The following ENOX1 variants were observed in gnomAD, a reference collection of about 807,000 sequenced individuals.
ENOX1 encodes ecto-NOX disulfide-thiol exchanger 1, also known as candidate growth-related and time keeping constitutive hydroquinone (NADH) oxidase.
ENOX1 carries 42 observed loss-of-function variants against 82.5 expected under a neutral mutation model. That is an observed-to-expected ratio of 0.51 (90% confidence interval 0.40 to 0.66). The LOEUF is 0.66. Among genes scored for constraint, ENOX1 ranks in the 30% least tolerant of loss-of-function variants. The pLI, the probability that ENOX1 is intolerant of heterozygous loss-of-function variation, is 0.00. For missense variants in ENOX1, 608 were observed against 811.6 expected, an observed-to-expected ratio of 0.75 and a Z score of 3.05; for synonymous variants, 271 against 282.2, an observed-to-expected ratio of 0.96 and a Z score of 0.40.
chr13:43,615,662 A>G (rs993933428), intron 2 of ENOX1, among the ~76,000 whole-genome samples: 2 of 152,114 alleles, frequency 1.3e-5, no homozygotes, highest in Non-Finnish European at 2.9e-5. Context: ...TTACATAGGT[A>G]TACACGTGCT....
chr13:43,455,419 T>C (rs970236002), intron 3 of ENOX1, among the ~76,000 whole-genome samples: 19 of 152,198 alleles, frequency 1.2e-4, no homozygotes, highest in Admixed American at 3.9e-4. Flanking sequence ...CTAATGAGAA[T>C]CTTTTCTTAC....
At chr13:43,245,136 G>A (rs537804852) in intron 14 of ENOX1, among the ~76,000 whole-genome samples, 1 of 152,164 alleles carries the variant, frequency 6.6e-6, no homozygotes. Context: ...GCTGATAAAT[G>A]AAAGAATGAG....
chr13:43,392,417 G>A (rs923446488), intron 5 of ENOX1, among the ~76,000 whole-genome samples: 1 of 152,186 alleles, frequency 6.6e-6, no homozygotes, highest in East Asian at 1.9e-4. Context: ...ACTGGCTCAC[G>A]CCTGTAATCC....
rs73467462 is a variant in ENOX1, at chr13:43,333,469, T to C, written c.1037-6944A>G. Among the ~76,000 whole-genome samples, 799 of 152,332 alleles carry C rather than the reference T, an allele frequency of 5.2e-3. 4 individuals are homozygous for C. Among genetic ancestry groups the C allele is most frequent in the African/African-American group, 0.018 (750 of 41,578 alleles). ...CTCATTGAGCCTGCCCTGTATTCAG[T>C]TGTTGGCTCGATGCTAAGTCATCAC... On this transcript the variant is annotated intron_variant, in intron 9 of 16. Coordinates refer to ENST00000690772, the MANE Select transcript of ENOX1 (RefSeq NM_001347969.2).
At chr13:43,527,363 G>C (rs958918703) in intron 2 of ENOX1, among the ~76,000 whole-genome samples, 6 of 152,010 alleles carry the variant, frequency 3.9e-5, no homozygotes, top group Non-Finnish European at 8.8e-5. Flanking sequence ...AGGCAGCTGT[G>C]GTCACTTGAT....
chr13:43,370,908 AC>A (rs71099831), intron 5 of ENOX1, among the ~76,000 whole-genome samples: 75,982 of 142,358 alleles, frequency 0.53, 22,727 homozygotes, highest in Non-Finnish European at 0.69. Flanking sequence ...CCCTGTCCCC[AC>A]CCCCTCCTGC....
rs571741114 is a variant in ENOX1, at chr13:43,226,010, C to T, written c.1715-1872G>A. 1.7e-3 allele frequency among the ~76,000 whole-genome samples: 266 copies of T among 152,248 alleles called. 2 individuals carry two copies. Among genetic ancestry groups the T allele is most frequent in the South Asian group, 7.1e-3 (34 of 4,818 alleles). On this transcript the variant is annotated intron_variant, in intron 15 of 16. Transcript: ENST00000690772. Reference sequence around the variant, plus strand: ...GGCAATGATGATACTTTAAAAATATCTTTAAGTGGAAAAATAGCCACTTTT... The same window carrying T: ...GGCAATGATGATACTTTAAAAATATTTTTAAGTGGAAAAATAGCCACTTTT...
chr13:43,316,613 A>G lies in ENOX1; in HGVS notation c.1261+5771T>C, dbSNP rs540989642. On this transcript the variant is annotated intron_variant, in intron 11 of 16. Transcript: ENST00000690772. Reference sequence around the variant, plus strand: ...ATAGCATCTGTTTTCCTGCATTTAAAAGGTGAAGCAATTTACAAAAAAAAA... The same window carrying G: ...ATAGCATCTGTTTTCCTGCATTTAAGAGGTGAAGCAATTTACAAAAAAAAA... Among the ~76,000 whole-genome samples, 4 of 114,178 alleles carry G rather than the reference A, an allele frequency of 3.5e-5. No homozygotes were observed. The East Asian group carries it at 1.1e-3, about 31-fold the overall frequency. 74.9% of individuals were successfully genotyped at this position (114,178 alleles called of 152,430 possible).
chr13:43,667,560 C>T lies in ENOX1; in HGVS notation c.-284-16G>A. 1.1e-6 allele frequency: 1 copy of T among 935,770 alleles called. No homozygotes were observed. The highest frequency in any genetic ancestry group is 1.3e-6 in the Non-Finnish European group (1 of 784,656). The allele number at this position is 935,770 out of a possible 1,614,324, so 58.0% of individuals were successfully genotyped here. ...AGCAAAGGACCTGTAAAATAAAGGCCATCTTGTTAGAAAAAACTTCAAACA... is the reference window on the plus strand; with the variant it reads ...AGCAAAGGACCTGTAAAATAAAGGCTATCTTGTTAGAAAAAACTTCAAACA... On this transcript the variant is annotated splice_polypyrimidine_tract_variant and intron_variant, in intron 1 of 16. Coordinates refer to ENST00000690772, the MANE Select transcript of ENOX1 (RefSeq NM_001347969.2).
At chr13:43,455,515 G>A (rs568175941) in intron 3 of ENOX1, among the ~76,000 whole-genome samples, 179 of 152,168 alleles carry the variant, frequency 1.2e-3, no homozygotes, top group African/African-American at 4.1e-3. Flanking sequence ...TTATTCTTTA[G>A]TACTTGTCTC....
intron 2 of ENOX1, among the ~76,000 whole-genome samples, chr13:43,557,722 C>T (rs988145524): frequency 1.3e-5 from 2 of 152,132 alleles, no homozygotes; most frequent in African/African-American, 4.8e-5. Context: ...CATTTGAGCC[C>T]AGGCATTCGA....
At chr13:43,424,403 T>C (rs1008784939) in intron 3 of ENOX1, among the ~76,000 whole-genome samples, 2 of 152,190 alleles carry the variant, frequency 1.3e-5, no homozygotes, top group Admixed American at 1.3e-4. Flanking sequence ...GGCAAATTAG[T>C]TATCTATTTT....
At chr13:43,734,716 A>G (rs752648959) in intron 1 of ENOX1, among the ~76,000 whole-genome samples, 1 of 152,194 alleles carries the variant, frequency 6.6e-6, no homozygotes, top group Non-Finnish European at 1.5e-5. Flanking sequence ...AGCATGCACC[A>G]CTAGCAACTG....
At chr13:43,466,091 A>T (rs1328869509) in intron 3 of ENOX1, among the ~76,000 whole-genome samples, 1 of 152,206 alleles carries the variant, frequency 6.6e-6, no homozygotes, top group Non-Finnish European at 1.5e-5. Context: ...GAATGTGGGT[A>T]GAAGTGATAC....
chr13:43,398,270 A>G (rs1295387426), intron 5 of ENOX1, among the ~76,000 whole-genome samples: 1 of 152,188 alleles, frequency 6.6e-6, no homozygotes, highest in Non-Finnish European at 1.5e-5. Flanking sequence ...TTTTATTTAA[A>G]AATTTTTCAG....
At chr13:43,433,242 C>T (rs545543695) in intron 3 of ENOX1, among the ~76,000 whole-genome samples, 32 of 152,198 alleles carry the variant, frequency 2.1e-4, no homozygotes, top group Non-Finnish European at 4.1e-4. Context: ...GAGGCAAAAC[C>T]TCAGGGGCAT....
intron 14 of ENOX1, among the ~76,000 whole-genome samples, chr13:43,253,228 C>T (rs748228625): frequency 1.1e-4 from 16 of 152,212 alleles, no homozygotes; most frequent in African/African-American, 3.6e-4. Flanking sequence ...AGGGCTGACA[C>T]GCAGGGCACC....
chr13:43,417,256 G>GGAGAGGGAGAGGGAGAGGGAGAGT (rs2054676962), intron 3 of ENOX1, among the ~76,000 whole-genome samples: 1 of 151,030 alleles, frequency 6.6e-6, no homozygotes, highest in Non-Finnish European at 1.5e-5. Context: ...AGAGGGAGAG[G>GGAGAGGGAGAGGGAGAGGGAGAGT]GAGAGGGAGA....
At chr13:43,520,849 C>T (rs1284369412) in intron 2 of ENOX1, among the ~76,000 whole-genome samples, 12 of 152,088 alleles carry the variant, frequency 7.9e-5, no homozygotes, top group African/African-American at 1.2e-4. Context: ...AAGGCTGGGT[C>T]GAAACAGGCT....
Sources: allele counts gnomAD v4.1 joint callset (sites outside exome capture counted in the v4.1 genomes callset), GRCh38; gene constraint gnomAD v4.1.1; transcripts MANE v1.5; gene names NCBI Gene and HGNC (gene_info 2026-07-23, HGNC 2026-07-21).